LDLRAD4: variants seen among roughly 807,000 people sequenced by gnomAD.
LDLRAD4 encodes the protein low-density lipoprotein receptor class A domain-containing protein 4.
A neutral mutation model predicts 17.0 loss-of-function variants in LDLRAD4; 5 were observed. That is an observed-to-expected ratio of 0.29 (90% CI 0.15 to 0.62). The LOEUF (loss-of-function observed/expected upper bound fraction) is 0.62. Among genes scored for constraint, LDLRAD4 ranks in the 20% least tolerant of loss-of-function variants. LDLRAD4 has a pLI of 0.84. For synonymous variants in LDLRAD4, 168 were observed against 171.8 expected, an observed-to-expected ratio of 0.98 and a Z score of 0.17; for missense variants, 340 against 424.7, an observed-to-expected ratio of 0.80 and a Z score of 1.75.
chr18:13,544,976 TTA>T (rs1248062013), intron 3 of LDLRAD4, among the ~76,000 whole-genome samples: 1 of 151,874 alleles, frequency 6.6e-6, no homozygotes, highest in Non-Finnish European at 1.5e-5. Context: ...GAAAGTATTA[TTA>T]GAGAAAACAT....
chr18:13,369,927 C>G (rs2084335383), intron 1 of LDLRAD4, among the ~76,000 whole-genome samples: 1 of 152,220 alleles, frequency 6.6e-6, no homozygotes, highest in Admixed American at 6.5e-5. Flanking sequence ...CTGACCACGC[C>G]TGCCACCCAG....
At chr18:13,400,024 C>G (rs2087033706) in intron 2 of LDLRAD4, among the ~76,000 whole-genome samples, 1 of 152,328 alleles carries the variant, frequency 6.6e-6, no homozygotes, top group Admixed American at 6.5e-5. Flanking sequence ...TATCGTTACT[C>G]TTCCCTGTTG....
At chr18:13,644,910 G>A (rs542822245) in intron 5 of LDLRAD4, 13 of 546,176 alleles carry the variant, frequency 2.4e-5, no homozygotes, top group East Asian at 6.1e-5. Context: ...TCCTGGATGC[G>A]CTGGGATTTG....
At chr18:13,271,725 G>T (rs1050342030) in intron 1 of LDLRAD4, among the ~76,000 whole-genome samples, 8 of 152,150 alleles carry the variant, frequency 5.3e-5, no homozygotes, top group African/African-American at 1.9e-4. Flanking sequence ...GAACTTTGCT[G>T]CCTGAGCACT....
At chr18:13,641,789 G>T in intron 4 of LDLRAD4, 5 of 985,704 alleles carry the variant, frequency 5.1e-6, no homozygotes, top group Non-Finnish European at 6.0e-6. Flanking sequence ...CGGACTGGAC[G>T]GCGGCTCCTG....
chr18:13,302,874 A>G (rs982173945), intron 1 of LDLRAD4, among the ~76,000 whole-genome samples: 7 of 152,196 alleles, frequency 4.6e-5, no homozygotes, highest in African/African-American at 1.4e-4. Context: ...ACGTGCAGTT[A>G]TGTTACATGC....
At chr18:13,251,331 C>T (rs769421998) in intron 1 of LDLRAD4, among the ~76,000 whole-genome samples, 8 of 152,160 alleles carry the variant, frequency 5.3e-5, no homozygotes, top group African/African-American at 1.9e-4. Context: ...AAAAGAATGC[C>T]CATTCTCACC....
chr18:13,294,045 G>A (rs901210287), intron 1 of LDLRAD4, among the ~76,000 whole-genome samples: 2 of 152,184 alleles, frequency 1.3e-5, no homozygotes, highest in African/African-American at 4.8e-5. Context: ...CTTTTATGCC[G>A]GAGGTTGCAA....
intron 1 of LDLRAD4, among the ~76,000 whole-genome samples, chr18:13,381,880 AT>A (rs1599808805): frequency 6.6e-6 from 1 of 152,196 alleles, no homozygotes; most frequent in South Asian, 2.1e-4. Context: ...GGTCATTTTT[AT>A]TTTTTTTAAA....
At chr18:13,600,152 A>T (rs574841202) in intron 3 of LDLRAD4, among the ~76,000 whole-genome samples, 1 of 152,332 alleles carries the variant, frequency 6.6e-6, no homozygotes, top group Non-Finnish European at 1.5e-5. Context: ...TGCTTGCCTC[A>T]AATGTTTTAT....
chr18:13,447,416 G>A (rs910413903), intron 3 of LDLRAD4, among the ~76,000 whole-genome samples: 1 of 152,140 alleles, frequency 6.6e-6, no homozygotes, highest in African/African-American at 2.4e-5. Context: ...AATTAAAATC[G>A]TGTAGGGTCT....
intron 3 of LDLRAD4, chr18:13,612,452 G>C (rs1380275722): frequency 3.1e-6 from 4 of 1,289,684 alleles, no homozygotes; most frequent in Non-Finnish European, 3.0e-6. Flanking sequence ...GGTAGCCACA[G>C]TCTGCGGTCG....
intron 1 of LDLRAD4, among the ~76,000 whole-genome samples, chr18:13,379,176 G>T (rs954263805): frequency 7.9e-5 from 12 of 152,224 alleles, no homozygotes; most frequent in Admixed American, 6.5e-4. Context: ...ACCCAATGTG[G>T]CCAGAGCCCA....
chr18:13,493,847 C>T (rs1038062123), intron 3 of LDLRAD4, among the ~76,000 whole-genome samples: 1 of 152,242 alleles, frequency 6.6e-6, no homozygotes, highest in African/African-American at 2.4e-5. Context: ...GCCCCGTGGT[C>T]CTTGTCCAGG....
intron 3 of LDLRAD4, among the ~76,000 whole-genome samples, chr18:13,616,569 G>T (rs1010686591): frequency 6.6e-6 from 1 of 152,192 alleles, no homozygotes; most frequent in African/African-American, 2.4e-5. Flanking sequence ...TGTGGGCCCC[G>T]CACCAGACCC....
intron 3 of LDLRAD4, among the ~76,000 whole-genome samples, chr18:13,603,049 G>A: frequency 6.8e-6 from 1 of 147,456 alleles, no homozygotes; most frequent in Non-Finnish European, 1.5e-5. Context: ...AGAAAACTCT[G>A]ATTTTTATAA....
At chr18:13,239,381 G>A (rs192608831) in intron 1 of LDLRAD4, among the ~76,000 whole-genome samples, 16 of 152,226 alleles carry the variant, frequency 1.1e-4, no homozygotes, top group Admixed American at 7.8e-4. Context: ...CCACTTAGAA[G>A]TTTAAACAGA....
intron 1 of LDLRAD4, among the ~76,000 whole-genome samples, chr18:13,340,888 T>C (rs896104491): frequency 1.3e-5 from 2 of 152,162 alleles, no homozygotes; most frequent in Admixed American, 1.3e-4. Flanking sequence ...TTTTGATCCA[T>C]TTTGAGTTAA....
intron 3 of LDLRAD4, chr18:13,612,647 G>T: frequency 1.2e-6 from 2 of 1,612,856 alleles, no homozygotes; most frequent in Admixed American, 3.3e-5. Flanking sequence ...CTGAAGGGAT[G>T]CTTTGAACGT....
Sources: allele counts gnomAD v4.1 joint callset (sites outside exome capture counted in the v4.1 genomes callset), GRCh38; gene constraint gnomAD v4.1.1; transcripts MANE v1.5; gene names NCBI Gene and HGNC (gene_info 2026-07-23, HGNC 2026-07-21).